The following SYNDIG1 variants were observed in gnomAD, a reference collection of about 807,000 sequenced individuals.
The protein encoded by SYNDIG1 is synapse differentiation-inducing gene protein 1.
In SYNDIG1, 9 loss-of-function variants were observed where a neutral mutation model predicts 19.4. That is an observed-to-expected ratio of 0.46 (90% CI 0.28 to 0.81). SYNDIG1 has a LOEUF of 0.81. Ranked by LOEUF, SYNDIG1 falls within the 30% of genes least tolerant of loss-of-function variation. The pLI, the probability that SYNDIG1 is intolerant of heterozygous loss-of-function variation, is 0.12. For synonymous variants in SYNDIG1, 141 were observed against 145.9 expected (o/e 0.97, Z 0.24); for missense variants, 311 against 343.3 (o/e 0.91, Z 0.74).
At chr20:24,588,276 G>C (rs2058450024) in intron 3 of SYNDIG1, among the ~76,000 whole-genome samples, 1 of 152,218 alleles carries the variant, frequency 6.6e-6, no homozygotes, top group African/African-American at 2.4e-5. Context: ...TGGGGGTCCA[G>C]AGGCCAAGGA....
At chr20:24,482,142 G>T (rs1478477939) in intron 1 of SYNDIG1, among the ~76,000 whole-genome samples, 1 of 152,156 alleles carries the variant, frequency 6.6e-6, no homozygotes, top group African/African-American at 2.4e-5. Context: ...AAGTGGAAAT[G>T]ACTAAGAAAG....
intron 2 of SYNDIG1, among the ~76,000 whole-genome samples, chr20:24,554,512 G>A (rs1053416060): frequency 1.3e-5 from 2 of 152,196 alleles, no homozygotes; most frequent in African/African-American, 2.4e-5. Flanking sequence ...TTTTTAGCAT[G>A]AAGGTTGTTG....
chr20:24,496,660 G>A (rs2056312661), intron 1 of SYNDIG1, among the ~76,000 whole-genome samples: 1 of 152,112 alleles, frequency 6.6e-6, no homozygotes, highest in South Asian at 2.1e-4. Flanking sequence ...GGCTTAGTGA[G>A]ATGATCACTT....
chr20:24,497,355 C>G (rs1353083677), intron 1 of SYNDIG1, among the ~76,000 whole-genome samples: 1 of 152,096 alleles, frequency 6.6e-6, no homozygotes. Flanking sequence ...TGTGTACCAC[C>G]AAGCCCGGCT....
At chr20:24,480,192 C>T (rs2055757865) in intron 1 of SYNDIG1, among the ~76,000 whole-genome samples, 1 of 152,188 alleles carries the variant, frequency 6.6e-6, no homozygotes, top group Non-Finnish European at 1.5e-5. Flanking sequence ...CCCATCCCAG[C>T]ACTGGTGTGG....
chr20:24,661,538 A>AGGGAGGG (rs2059600988), intron 3 of SYNDIG1, among the ~76,000 whole-genome samples: 1 of 128,596 alleles, frequency 7.8e-6, no homozygotes, highest in Admixed American at 7.7e-5. Context: ...AAAAAGGAGG[A>AGGGAGGG]AGGAGGGAGG....
At chr20:24,579,247 A>T (rs1163009067) in intron 2 of SYNDIG1, among the ~76,000 whole-genome samples, 1 of 152,156 alleles carries the variant, frequency 6.6e-6, no homozygotes, top group African/African-American at 2.4e-5. Flanking sequence ...TCAATGGCAG[A>T]TGCTGGGCCC....
chr20:24,531,436 A>G (rs2057257411), intron 1 of SYNDIG1, among the ~76,000 whole-genome samples: 1 of 152,126 alleles, frequency 6.6e-6, no homozygotes, highest in Admixed American at 6.5e-5. Flanking sequence ...AAAAATCTAG[A>G]CTTATTCGTA....
intron 3 of SYNDIG1, among the ~76,000 whole-genome samples, chr20:24,600,764 G>A (rs758127550): frequency 7.6e-4 from 115 of 152,076 alleles, no homozygotes; most frequent in African/African-American, 2.6e-3. Flanking sequence ...ACAGGTGCCC[G>A]CCACCACGCC....
intron 3 of SYNDIG1, among the ~76,000 whole-genome samples, chr20:24,633,037 C>G (rs73345394): frequency 0.033 from 4,856 of 148,814 alleles, 228 homozygotes; most frequent in African/African-American, 0.11. Flanking sequence ...TCCAGTGGTT[C>G]TTTGTGCTCT....
intron 3 of SYNDIG1, among the ~76,000 whole-genome samples, chr20:24,606,107 AC>A (rs2058753348): frequency 6.6e-6 from 1 of 152,202 alleles, no homozygotes; most frequent in Admixed American, 6.5e-5. Context: ...TTCTGTGACT[AC>A]CAGGCCAGCC....
intron 1 of SYNDIG1, among the ~76,000 whole-genome samples, chr20:24,504,513 C>T (rs529878031): frequency 5.2e-4 from 79 of 152,072 alleles, no homozygotes; most frequent in Non-Finnish European, 9.8e-4. Flanking sequence ...TGGATGCCAC[C>T]CTCACCCTGG....
chr20:24,616,734 C>T (rs1355291059), intron 3 of SYNDIG1, among the ~76,000 whole-genome samples: 1 of 152,242 alleles, frequency 6.6e-6, no homozygotes, highest in Non-Finnish European at 1.5e-5. Flanking sequence ...TGGAGAGCAA[C>T]TGGCTGAGCT....
intron 2 of SYNDIG1, among the ~76,000 whole-genome samples, chr20:24,574,841 G>A (rs1247364104): frequency 6.6e-6 from 1 of 152,186 alleles, no homozygotes; most frequent in East Asian, 1.9e-4. Flanking sequence ...ATTTCATTCG[G>A]CTCCTGCTTC....
At chr20:24,474,790 A>G (rs374022926) in intron 1 of SYNDIG1, among the ~76,000 whole-genome samples, 6 of 152,242 alleles carry the variant, frequency 3.9e-5, no homozygotes, top group Admixed American at 2.6e-4. Flanking sequence ...GTTGTAATCT[A>G]TCACTTGGCC....
chr20:24,490,671 G>A (rs575571647), intron 1 of SYNDIG1, among the ~76,000 whole-genome samples: 61 of 152,334 alleles, frequency 4.0e-4, no homozygotes, highest in South Asian at 8.3e-4. Context: ...GGATTGTCAC[G>A]AAGCAGGGGC....
chr20:24,533,874 A>G (rs565384791), intron 1 of SYNDIG1, among the ~76,000 whole-genome samples: 1 of 152,172 alleles, frequency 6.6e-6, no homozygotes, highest in Non-Finnish European at 1.5e-5. Context: ...TCCATTTTGC[A>G]TGGCTATAAA....
At chr20:24,618,371 G>A (rs1341839829) in intron 3 of SYNDIG1, among the ~76,000 whole-genome samples, 1 of 151,646 alleles carries the variant, frequency 6.6e-6, no homozygotes, top group Non-Finnish European at 1.5e-5. Context: ...AGAGCCTGGG[G>A]AAGGGGGTCC....
chr20:24,506,185 A>G (rs890866857), intron 1 of SYNDIG1, among the ~76,000 whole-genome samples: 1 of 152,238 alleles, frequency 6.6e-6, no homozygotes, highest in African/African-American at 2.4e-5. Flanking sequence ...ACTCAGCTGC[A>G]GCTGAGAACA....
Sources: gnomAD v4.1 joint callset for allele counts (sites outside exome capture counted in the v4.1 genomes callset) on GRCh38, gnomAD v4.1.1 for gene constraint, MANE v1.5 for transcripts, NCBI Gene and HGNC (gene_info 2026-07-23, HGNC 2026-07-21) for gene names.